Variants in NAP1L1 observed in about 807,000 individuals in gnomAD.
NAP1L1 encodes the protein nucleosome assembly protein 1-like 1.
Under a neutral mutation model 58.9 loss-of-function variants are expected in NAP1L1, and 9 were observed. The ratio of observed to expected loss-of-function variants is 0.15; its 90% confidence interval spans 0.09 to 0.27. NAP1L1 has a LOEUF of 0.27. Among genes scored for constraint, NAP1L1 ranks in the 10% least tolerant of loss-of-function variants. The pLI, the probability that NAP1L1 is intolerant of heterozygous loss-of-function variation, is 1.00. For missense variants in NAP1L1, 302 were observed against 458.8 expected (o/e 0.66, Z 3.12); for synonymous variants, 130 against 138.3 (o/e 0.94, Z 0.42).
chr12:76,052,911 T>C (rs1948909066), intron 11 of NAP1L1, among the ~76,000 whole-genome samples, 180 bp downstream of exon 11: 1 of 152,212 alleles, frequency 6.6e-6, no homozygotes, highest in South Asian at 2.1e-4. Flanking sequence ...TCAGTGTTTC[T>C]CAGCAGAAGC....
Position 76,058,005 on chromosome 12 carries a change from G to T in NAP1L1, c.429+1793C>A, listed in dbSNP as rs1470499440. 2.1e-5 allele frequency: 17 copies of T among 815,100 alleles called. No individual in the cohort carries two copies. In the Admixed American group the frequency reaches 2.9e-4, roughly 14 times the overall value. The allele number at this position is 815,100 out of a possible 1,614,324, so 50.5% of individuals were successfully genotyped here. On this transcript the variant is annotated intron_variant, in intron 6 of 14. Transcript: ENST00000618691. ...TCAAAAATTCTCCTGTGGTGCCTCA[G>T]TAACAGAGGAGGATGAAATTATCAT...
intron 6 of NAP1L1, 126 bp from the exon 7 acceptor site, chr12:76,056,287 A>C (rs1054521848): frequency 6.5e-5 from 62 of 956,424 alleles, no homozygotes; most frequent in Non-Finnish European, 2.1e-5. Context: ...CTATCTGTGT[A>C]AACACCGCCG....
In NAP1L1 at chr12:76,038,653, A is replaced by G. The variant is rs1948524070; in HGVS notation, c.*9776T>C. 1.3e-5 allele frequency: 2 copies of G among 152,198 alleles called. No individual in the cohort carries two copies. Among genetic ancestry groups the G allele is most frequent in the Admixed American group, 1.3e-4 (2 of 15,280 alleles). 9.4% of individuals were successfully genotyped at this position (152,198 alleles called of 1,614,324 possible). A position where few individuals can be genotyped will look rare whatever the true frequency, so the allele number is the denominator to read the frequency against. ...ACAAGGTAATCTAAGAGTAAAAGGG[A>G]TAAAAGAATTCTGTGGGGTAGCCAG... is the stretch of plus-strand genomic sequence containing the variant. On this transcript the variant is annotated 3_prime_UTR_variant, in exon 15 of 15. Coordinates refer to ENST00000618691, the MANE Select transcript of NAP1L1 (RefSeq NM_004537.7).
At chr12:76,084,176 C>T (rs1470214260) in intron 1 of NAP1L1, 1 of 152,204 alleles carries the variant, frequency 6.6e-6, no homozygotes, top group Non-Finnish European at 1.5e-5. Context: ...GCGGCCGGCT[C>T]TGCACTCGGC....
chr12:76,065,308 T>C (rs1386655024), intron 4 of NAP1L1, among the ~76,000 whole-genome samples: 1 of 151,984 alleles, frequency 6.6e-6, no homozygotes, highest in African/African-American at 2.4e-5. Context: ...ATGGAGATTT[T>C]ATATTCATTC....
rs1468891473 is a variant in NAP1L1, at chr12:76,039,543, T to C, written c.*8886A>G. ...GGGCAGGGGAGAGAAAAAGGAAAGA[T>C]TATCTGAATATTGTTTAAAATGAAA... On this transcript the variant is annotated 3_prime_UTR_variant, in exon 15 of 15. Transcript: ENST00000618691. 2.6e-5 allele frequency: 4 copies of C among 152,214 alleles called. No homozygotes were observed. Among genetic ancestry groups the C allele is most frequent in the Non-Finnish European group, 5.9e-5 (4 of 68,032 alleles). 9.4% of individuals were successfully genotyped at this position (152,214 alleles called of 1,614,324 possible).
intron 3 of NAP1L1, 192 bp downstream of exon 3, chr12:76,068,717 C>A: frequency 1.0e-5 from 5 of 486,684 alleles, no homozygotes; most frequent in Non-Finnish European, 1.8e-5. Flanking sequence ...GTTGCTGTAT[C>A]TATACCTACC....
intron 6 of NAP1L1, among the ~76,000 whole-genome samples, chr12:76,058,500 C>T (rs1463056950): frequency 6.6e-6 from 1 of 151,450 alleles, no homozygotes; most frequent in Non-Finnish European, 1.5e-5. Context: ...GATTCTCCTG[C>T]CTGAGCCTCC....
chr12:76,069,718 G>C (rs1949856074), intron 2 of NAP1L1, among the ~76,000 whole-genome samples: 2 of 152,084 alleles, frequency 1.3e-5, no homozygotes, highest in African/African-American at 4.8e-5. Context: ...AAAGAATAAA[G>C]TGAAGACTTC....
intron 1 of NAP1L1, among the ~76,000 whole-genome samples, chr12:76,081,208 C>T (rs1049164389): frequency 6.6e-6 from 1 of 152,152 alleles, no homozygotes; most frequent in East Asian, 1.9e-4. Flanking sequence ...ATTATCTCAT[C>T]ATAAGTTATC....
intron 4 of NAP1L1, 25 bp from the exon 5 acceptor site, chr12:76,060,304 T>C (rs991764812): frequency 4.4e-6 from 7 of 1,609,170 alleles, no homozygotes; most frequent in South Asian, 1.1e-5. Flanking sequence ...ATCAGTTATA[T>C]AGCATCAGAG....
intron 1 of NAP1L1, among the ~76,000 whole-genome samples, chr12:76,083,343 G>A (rs1349133479): frequency 6.6e-6 from 1 of 151,954 alleles, no homozygotes; most frequent in Non-Finnish European, 1.5e-5. Flanking sequence ...AGTCATAAAG[G>A]GCCAAACATT....
rs1269493338 is a variant in NAP1L1 at position 76,041,646 on chromosome 12, T to C, written c.*6783A>G. On this transcript the variant is annotated 3_prime_UTR_variant, in exon 15 of 15. Transcript: ENST00000618691. ...CTTGTAAGCATAGCACCTCAGGAGG[T>C]TGAGGTGAGACAACCACTTGAGCCC... The C allele has an allele frequency of 3.9e-5, 6 of 152,026 alleles. No homozygotes were observed. Among genetic ancestry groups the C allele is most frequent in the Admixed American group, 6.6e-5 (1 of 15,258 alleles). 9.4% of individuals were successfully genotyped at this position (152,026 alleles called of 1,614,324 possible).
chr12:76,043,127 T>C lies in NAP1L1; in HGVS notation c.*5302A>G, dbSNP rs562059778. ...CACGTCATTTAACTTACTTTTTCAG[T>C]TGCATATATATGACCCTGAAGCCTT... On this transcript the variant is annotated 3_prime_UTR_variant, in exon 15 of 15. Coordinates refer to ENST00000618691, the MANE Select transcript of NAP1L1 (RefSeq NM_004537.7). 9.2e-5 allele frequency: 14 copies of C among 152,326 alleles called. No individual in the cohort carries two copies. The highest frequency in any genetic ancestry group is 3.1e-4 in the African/African-American group (13 of 41,582). The allele number at this position is 152,326 out of a possible 1,614,324, so 9.4% of individuals were successfully genotyped here.
At position 76,045,781 on chromosome 12, in the gene NAP1L1, C is replaced by CA. The variant is rs1948596824; in HGVS notation, c.*2647dup. On this transcript the variant is annotated 3_prime_UTR_variant, in exon 15 of 15. Transcript: ENST00000618691. ...CCTACTTGAGTGACCATAAAGCAAA[C>CA]AACTCTAAAATTTTTTCATATCAGT... The CA allele has an allele frequency of 6.6e-6, 1 of 151,930 alleles. No homozygotes were observed. The highest frequency in any genetic ancestry group is 6.6e-5 in the Admixed American group (1 of 15,250). The allele number at this position is 151,930 out of a possible 1,614,324, so 9.4% of individuals were successfully genotyped here.
At chr12:76,060,401 T>C (rs1310581292) in intron 4 of NAP1L1, 122 bp from the exon 5 acceptor site, 1 of 929,908 alleles carries the variant, frequency 1.1e-6, no homozygotes, top group Non-Finnish European at 1.6e-6. Context: ...AAGCAAAAGG[T>C]AGATTCAAAG....
In NAP1L1 at chr12:76,047,100, C is replaced by T. The variant is rs980038889; in HGVS notation, c.*1329G>A. The T allele has an allele frequency of 3.3e-5, 5 of 152,398 alleles. No individual in the cohort carries two copies. Among genetic ancestry groups the T allele is most frequent in the Admixed American group, 1.3e-4 (2 of 15,252 alleles). 9.4% of individuals were successfully genotyped at this position (152,398 alleles called of 1,614,324 possible). A position where few individuals can be genotyped will look rare whatever the true frequency, so the allele number is the denominator to read the frequency against. ...TTGTTTTCCAGTTTAGTTATCAAAG[C>T]GTGGTGTGAACAAAATGCTTAGTGT... On this transcript the variant is annotated 3_prime_UTR_variant, in exon 15 of 15. Transcript: ENST00000618691.
rs17116166 is a variant in NAP1L1, at chr12:76,045,698, T to G, written c.*2731A>C. ...TTTAAGAATCCTAAGAAATTATATA[T>G]GTGGCTTTCAGACATCCATGTTAAA... On this transcript the variant is annotated 3_prime_UTR_variant, in exon 15 of 15. Transcript: ENST00000618691. 1 of 152,054 alleles carries G rather than the reference T, an allele frequency of 6.6e-6. No homozygotes were observed. The highest frequency in any genetic ancestry group is 1.5e-5 in the Non-Finnish European group (1 of 67,904). The allele number at this position is 152,054 out of a possible 1,614,324, so 9.4% of individuals were successfully genotyped here. A position where few individuals can be genotyped will look rare whatever the true frequency, so the allele number is the denominator to read the frequency against.
intron 2 of NAP1L1, 140 bp downstream of exon 2, chr12:76,074,063 T>TGCACTA: frequency 5.7e-6 from 4 of 705,166 alleles, no homozygotes; most frequent in Middle Eastern, 2.8e-4. Flanking sequence ...TTGAATACAC[T>TGCACTA]GCACTAGACT....
Sources: gnomAD v4.1 joint callset for allele counts (sites outside exome capture counted in the v4.1 genomes callset) on GRCh38, gnomAD v4.1.1 for gene constraint, MANE v1.5 for transcripts, NCBI Gene and HGNC (gene_info 2026-07-23, HGNC 2026-07-21) for gene names.